DSCAM: variants seen among roughly 807,000 people sequenced by gnomAD.
DSCAM encodes the protein DS cell adhesion molecule.
In DSCAM, 47 loss-of-function variants were observed where a neutral mutation model predicts 217.7. The observed-to-expected ratio is 0.22, with a 90% CI of 0.17 to 0.28. The LOEUF (loss-of-function observed/expected upper bound fraction) is 0.28. Among genes scored for constraint, DSCAM ranks in the 10% least tolerant of loss-of-function variants. The pLI, the probability that DSCAM is intolerant of heterozygous loss-of-function variation, is 1.00. For missense variants in DSCAM, 2,080 were observed against 2,618.3 expected (o/e 0.79, Z 4.49); for synonymous variants, 1,056 against 1,015.3 (o/e 1.04, Z -0.76).
At chr21:40,757,277 G>A (rs571545963) in intron 1 of DSCAM, among the ~76,000 whole-genome samples, 7 of 152,154 alleles carry the variant, frequency 4.6e-5, no homozygotes, top group South Asian at 2.1e-4. Flanking sequence ...CACCCGTCTC[G>A]GCCTCCCAAA....
intron 1 of DSCAM, among the ~76,000 whole-genome samples, chr21:40,781,437 G>A (rs1308756071): frequency 6.6e-6 from 1 of 152,198 alleles, no homozygotes; most frequent in African/African-American, 2.4e-5. Context: ...ACATACAATT[G>A]ACTCTCTGAA....
intron 22 of DSCAM, among the ~76,000 whole-genome samples, chr21:40,086,334 T>C (rs1167684473): frequency 1.3e-5 from 2 of 152,208 alleles, no homozygotes; most frequent in Non-Finnish European, 2.9e-5. Flanking sequence ...TTGGGGTCAT[T>C]CCCACAACAG....
Position 40,462,269 on chromosome 21 carries a change from T to C in DSCAM, c.509-93024A>G, listed in dbSNP as rs532383206. Among the ~76,000 whole-genome samples the C allele has an allele frequency of 2.6e-5, 4 of 152,282 alleles. No individual in the cohort carries two copies. The East Asian group carries it at 7.7e-4, about 29-fold the overall frequency. On this transcript the variant is annotated intron_variant, in intron 3 of 32. Coordinates refer to ENST00000400454, the MANE Select transcript of DSCAM (RefSeq NM_001389.5). ...GAGCCTGGTACAGAGGCTCTCATGA[T>C]GTGGCACCAAGACCAGTAGCAGAAG...
At chr21:40,473,797 A>T (rs1178642635) in intron 3 of DSCAM, among the ~76,000 whole-genome samples, 2 of 152,150 alleles carry the variant, frequency 1.3e-5, no homozygotes, top group African/African-American at 4.8e-5. Context: ...AAGTGAGAAC[A>T]CAGACACACA....
chr21:40,182,617 C>CTGTGGACAGGAG (rs1568986386), intron 14 of DSCAM, among the ~76,000 whole-genome samples: 6 of 82,454 alleles, frequency 7.3e-5, no homozygotes, highest in African/African-American at 3.8e-4. Context: ...GTGGACAGAA[C>CTGTGGACAGGAG]GGGCCACCAG....
chr21:40,451,513 T>C (rs1366251903), intron 3 of DSCAM, among the ~76,000 whole-genome samples: 1 of 152,120 alleles, frequency 6.6e-6, no homozygotes, highest in Admixed American at 6.5e-5. Context: ...CACAATTAGG[T>C]GTGTGGGGCT....
At chr21:40,362,911 T>C (rs1446279029) in intron 4 of DSCAM, among the ~76,000 whole-genome samples, 2 of 152,206 alleles carry the variant, frequency 1.3e-5, no homozygotes, top group Non-Finnish European at 1.5e-5. Context: ...GTTTTCAAAA[T>C]ATTTAATGGT....
At chr21:40,262,099 A>T (rs914775549) in intron 11 of DSCAM, among the ~76,000 whole-genome samples, 9 of 151,972 alleles carry the variant, frequency 5.9e-5, no homozygotes, top group African/African-American at 1.9e-4. Context: ...AAGTAATGTG[A>T]GTGCACAGTG....
At chr21:40,079,499 T>C (rs1020092008) in intron 25 of DSCAM, among the ~76,000 whole-genome samples, 5 of 152,140 alleles carry the variant, frequency 3.3e-5, no homozygotes, top group Non-Finnish European at 7.4e-5. Context: ...GCACAAATAA[T>C]ACCCTTGCTA....
rs910302250 is a variant in DSCAM at position 40,197,369 on chromosome 21, C to T, written c.2357-8131G>A. ...TCCTGACCTTGCGATCCACCCACCT[C>T]GGCCTCCCAAAGTGCTGGGATTACA... On this transcript the variant is annotated intron_variant, in intron 11 of 32. Transcript: ENST00000400454. Among the ~76,000 whole-genome samples, 17 of 152,236 alleles carry T rather than the reference C, an allele frequency of 1.1e-4. No homozygotes were observed. In the East Asian group the frequency reaches 2.7e-3, roughly 24 times the overall value.
chr21:40,748,033 C>T (rs2091191925), intron 1 of DSCAM, among the ~76,000 whole-genome samples: 1 of 151,512 alleles, frequency 6.6e-6, no homozygotes, highest in Admixed American at 6.6e-5. Flanking sequence ...TCATAAAAAT[C>T]CTCCAGAAAT....
chr21:40,276,211 T>C lies in DSCAM; in HGVS notation c.2242A>G (p.Asn748Asp). The C allele has an allele frequency of 6.2e-7, 1 of 1,613,190 alleles. No individual in the cohort carries two copies. The highest frequency in any genetic ancestry group is 8.5e-7 in the Non-Finnish European group (1 of 1,179,550). ...ALNGRIQVLS[N>D]GSLLIKHVVE... ...ACATGCTTGATCAGCAACGACCCATTGCTGAGAACTTGGATTCGGCCATTT... is the reference window on the plus strand; with the variant it reads ...ACATGCTTGATCAGCAACGACCCATCGCTGAGAACTTGGATTCGGCCATTT... Residue 748 changes from asparagine (N) to aspartate (D), a missense_variant, in exon 11 of 33, where the codon AAT (asparagine) becomes GAT (aspartate). Around this residue, in one of 5 missense-constraint regions of DSCAM, gnomAD observed 218 missense variants for 364.1 expected, o/e 0.60. Coordinates refer to ENST00000400454, the MANE Select transcript of DSCAM (RefSeq NM_001389.5).
At chr21:40,499,386 A>G (rs934824835) in intron 3 of DSCAM, among the ~76,000 whole-genome samples, 5 of 152,196 alleles carry the variant, frequency 3.3e-5, no homozygotes, top group Non-Finnish European at 7.3e-5. Context: ...CCTCAATCAG[A>G]CATTCAGATT....
At chr21:40,244,861 T>C (rs1569020364) in intron 11 of DSCAM, among the ~76,000 whole-genome samples, 1 of 152,204 alleles carries the variant, frequency 6.6e-6, no homozygotes, top group Non-Finnish European at 1.5e-5. Context: ...AGTGCTGTTA[T>C]GATTTGCATG....
At chr21:40,405,327 T>G (rs1034460050) in intron 3 of DSCAM, among the ~76,000 whole-genome samples, 1 of 152,182 alleles carries the variant, frequency 6.6e-6, no homozygotes, top group African/African-American at 2.4e-5. Flanking sequence ...CACTTAGGAG[T>G]TGAGCAATTT....
At chr21:40,697,453 A>G (rs56122090) in intron 2 of DSCAM, among the ~76,000 whole-genome samples, 59,859 of 151,928 alleles carry the variant, frequency 0.39, 13,669 homozygotes, top group African/African-American at 0.64. Flanking sequence ...TCTTTCAGTA[A>G]TTTCATAGTT....
chr21:40,395,584 C>CT (rs945972850), intron 3 of DSCAM, among the ~76,000 whole-genome samples: 14 of 150,886 alleles, frequency 9.3e-5, no homozygotes, highest in South Asian at 6.3e-4. Flanking sequence ...TCTTTGATTT[C>CT]TTTTTTTTTC....
chr21:40,571,276 AAAAT>A (rs1325049644), intron 3 of DSCAM, among the ~76,000 whole-genome samples: 3 of 152,184 alleles, frequency 2.0e-5, no homozygotes, highest in African/African-American at 7.2e-5. Flanking sequence ...TATAAATAAA[AAAAT>A]AAAAGCTATA....
chr21:40,327,428 C>A (rs987217524), intron 8 of DSCAM, among the ~76,000 whole-genome samples: 1 of 152,140 alleles, frequency 6.6e-6, no homozygotes, highest in Non-Finnish European at 1.5e-5. Flanking sequence ...TGGTTTATTA[C>A]TTCTAATCCT....
Sources: allele counts gnomAD v4.1 joint callset (sites outside exome capture counted in the v4.1 genomes callset), GRCh38; gene constraint gnomAD v4.1.1; regional missense constraint gnomAD v4.1.1; transcripts MANE v1.5; gene names NCBI Gene and HGNC (gene_info 2026-07-23, HGNC 2026-07-21).